Variants in DNAI3 observed in about 807,000 individuals in gnomAD.
DNAI3 encodes the protein WD repeat domain 63.
Under a neutral mutation model 115.5 loss-of-function variants are expected in DNAI3, and 83 were observed. The observed-to-expected ratio is 0.72, with a 90% CI of 0.60 to 0.86. DNAI3 has a LOEUF of 0.86. Ranked by LOEUF, DNAI3 falls within the 40% of genes least tolerant of loss-of-function variation. The probability of loss-of-function intolerance (pLI) is 0.00; values close to 1 mark genes in which losing one functional copy is unlikely to be tolerated. For missense variants in DNAI3, 1,004 were observed against 1,075.8 expected (o/e 0.93, Z 0.93); for synonymous variants, 320 against 347.0 (o/e 0.92, Z 0.86).
chr1:85,099,249 T>C (rs2100587287), intron 13 of DNAI3: 2 of 985,370 alleles, frequency 2.0e-6, no homozygotes. Context: ...CTCAAGGGCA[T>C]TAAAGATCTA....
At chr1:85,077,580 A>G (rs1423833262) in intron 3 of DNAI3, among the ~76,000 whole-genome samples, 1 of 152,228 alleles carries the variant, frequency 6.6e-6, no homozygotes. Flanking sequence ...CTAAGAAGAT[A>G]AACAAAAAGA....
intron 9 of DNAI3, chr1:85,093,892 A>G (rs1655053157): frequency 4.9e-6 from 3 of 614,620 alleles, no homozygotes; most frequent in South Asian, 4.5e-5. Flanking sequence ...AACTCAGGGA[A>G]GTGACTCGCC....
chr1:85,120,192 G>A (rs1361801879), intron 17 of DNAI3, among the ~76,000 whole-genome samples: 1 of 152,164 alleles, frequency 6.6e-6, no homozygotes, highest in Non-Finnish European at 1.5e-5. Flanking sequence ...GCAGTCCATT[G>A]GAAGGTTCTA....
At chr1:85,123,998 G>C in intron 18 of DNAI3, 123 bp from the exon 19 acceptor site, 1 of 1,228,582 alleles carries the variant, frequency 8.1e-7, no homozygotes, top group Admixed American at 2.2e-5. Flanking sequence ...GCTAGCCTCT[G>C]GTTCTCCACT....
In DNAI3 at chr1:85,108,184, A is replaced by T. The variant is rs1655548565; in HGVS notation, c.1698+7A>T. The T allele has an allele frequency of 2.5e-6, 4 of 1,580,364 alleles. No homozygotes were observed. In the African/African-American group the frequency reaches 5.5e-5, roughly 22 times the overall value. ...CTGGAAACCTCTCACTAAGGTAAGT[A>T]ATGTGGGGTTTTTAGTCCATCCTGC... On this transcript the variant is annotated splice_region_variant and intron_variant, in intron 15 of 22. Coordinates refer to ENST00000294664, the MANE Select transcript of DNAI3 (RefSeq NM_145172.5).
chr1:85,114,675 G>A (rs985853652), intron 16 of DNAI3, among the ~76,000 whole-genome samples: 11 of 152,132 alleles, frequency 7.2e-5, no homozygotes, highest in East Asian at 1.9e-4. Context: ...CCGACTATCC[G>A]CCCATTCTGA....
intron 7 of DNAI3, among the ~76,000 whole-genome samples, chr1:85,087,452 A>AG (rs1557712203): frequency 2.0e-5 from 3 of 150,450 alleles, no homozygotes; most frequent in African/African-American, 4.9e-5. Context: ...AAAAAAAAAA[A>AG]AAAAAAAGAA....
At chr1:85,132,726 T>G in intron 22 of DNAI3, 129 bp from the exon 23 acceptor site, 1 of 1,060,660 alleles carries the variant, frequency 9.4e-7, no homozygotes, top group Non-Finnish European at 1.3e-6. Flanking sequence ...CCTGCCTTCC[T>G]GCCCTCCATC....
At chr1:85,120,791 G>T (rs914673938) in intron 17 of DNAI3, among the ~76,000 whole-genome samples, 1 of 152,108 alleles carries the variant, frequency 6.6e-6, no homozygotes, top group African/African-American at 2.4e-5. Context: ...GCTTGTCCTT[G>T]GATTTGGAAT....
chr1:85,085,680 G>A (rs1005720817), intron 6 of DNAI3, 151 bp from the exon 7 acceptor site: 12 of 659,320 alleles, frequency 1.8e-5, no homozygotes, highest in Non-Finnish European at 2.4e-5. Flanking sequence ...GAGGAGGAGC[G>A]GGTGCTGCTC....
intron 21 of DNAI3, 77 bp from the exon 22 acceptor site, chr1:85,129,913 G>A: frequency 6.7e-7 from 1 of 1,502,376 alleles, no homozygotes; most frequent in Non-Finnish European, 8.9e-7. Flanking sequence ...ACAAGCAGCA[G>A]AAATTCTAAC....
intron 16 of DNAI3, among the ~76,000 whole-genome samples, chr1:85,111,166 C>T (rs1365559866): frequency 2.0e-5 from 3 of 152,158 alleles, no homozygotes; most frequent in Non-Finnish European, 4.4e-5. Context: ...ATACCTAATA[C>T]CCAGCTTGAG....
At chr1:85,110,464 A>AATAAATAAATAC (rs1655624697) in intron 16 of DNAI3, among the ~76,000 whole-genome samples, 1 of 150,442 alleles carries the variant, frequency 6.6e-6, no homozygotes, top group African/African-American at 2.4e-5. Flanking sequence ...TAAATAAATA[A>AATAAATAAATAC]ATAAATAAAT....
Position 85,094,547 on chromosome 1 carries a change from C to T in DNAI3, c.1165C>T (p.His389Tyr). Reference sequence around the variant, plus strand: ...TTTCTGGAGCTTCTCTGATCCTATACATCCTCAGGTAATTAGGGAGAGTTG... The same window carrying T: ...TTTCTGGAGCTTCTCTGATCCTATATATCCTCAGGTAATTAGGGAGAGTTG... ...ILFWSFSDPI[H>Y]PQLMLESPDD... is the part of the protein sequence containing the mutation. The change falls in exon 10 of 23, where the codon CAT becomes TAT. Residue 389 changes from histidine to tyrosine, a missense_variant. By Grantham distance (83) the His-to-Tyr change is moderately conservative. Coordinates refer to ENST00000294664, the MANE Select transcript of DNAI3 (RefSeq NM_145172.5). The T allele has an allele frequency of 3.7e-6, 6 of 1,614,064 alleles. No homozygotes were observed. The highest frequency in any genetic ancestry group is 5.1e-6 in the Non-Finnish European group (6 of 1,179,998).
intron 5 of DNAI3, 102 bp from the exon 6 acceptor site, chr1:85,084,444 A>G: frequency 1.1e-6 from 1 of 886,734 alleles, no homozygotes; most frequent in Non-Finnish European, 1.5e-6. Flanking sequence ...GTGCTTAATG[A>G]ATTTATATAA....
intron 14 of DNAI3, among the ~76,000 whole-genome samples, chr1:85,107,180 C>T (rs80273599): frequency 0.015 from 2,254 of 152,234 alleles, 61 homozygotes; most frequent in African/African-American, 0.052. Context: ...AACAATCTGG[C>T]AGTTCCTCAA....
At chr1:85,068,187 A>G (rs1654156534) in intron 1 of DNAI3, among the ~76,000 whole-genome samples, 1 of 152,140 alleles carries the variant, frequency 6.6e-6, no homozygotes, top group Admixed American at 6.5e-5. Context: ...AATTGGAAAG[A>G]AAATACAATC....
intron 22 of DNAI3, 159 bp downstream of exon 22, chr1:85,130,271 C>A: frequency 2.9e-6 from 3 of 1,050,294 alleles, no homozygotes; most frequent in Non-Finnish European, 2.7e-6. Flanking sequence ...TTTCCTAGCT[C>A]ACTGCCAGTT....
At chr1:85,131,203 T>C (rs1186924234) in intron 22 of DNAI3, among the ~76,000 whole-genome samples, 1 of 152,112 alleles carries the variant, frequency 6.6e-6, no homozygotes, top group Non-Finnish European at 1.5e-5. Context: ...TCCCAGCACT[T>C]TGAGAGGCTG....
Sources: allele counts gnomAD v4.1 joint callset (sites outside exome capture counted in the v4.1 genomes callset), GRCh38; gene constraint gnomAD v4.1.1; transcripts MANE v1.5; gene names NCBI Gene and HGNC (gene_info 2026-07-23, HGNC 2026-07-21).